Variants in AKT3 observed in about 807,000 individuals in gnomAD.
AKT3 encodes RAC-gamma serine/threonine-protein kinase.
Under a neutral mutation model 65.3 loss-of-function variants are expected in AKT3, and 15 were observed. The observed-to-expected ratio is 0.23, with a 90% CI of 0.15 to 0.35. The LOEUF (loss-of-function observed/expected upper bound fraction) is 0.35. AKT3 is among the 10% of genes least tolerant of loss of function. AKT3 has a pLI of 1.00. For missense variants in AKT3, 243 were observed against 576.5 expected (o/e 0.42, Z 5.92); for synonymous variants, 206 against 183.8 (o/e 1.12, Z -0.98).
At chr1:243,783,978 G>T (rs1419284340) in intron 2 of AKT3, among the ~76,000 whole-genome samples, 3 of 152,118 alleles carry the variant, frequency 2.0e-5, no homozygotes, top group Non-Finnish European at 4.4e-5. Context: ...TAGACTCTGG[G>T]AAGACAGCAG....
At chr1:243,656,317 GTTAC>G (rs930997458) in intron 4 of AKT3, among the ~76,000 whole-genome samples, 10 of 152,030 alleles carry the variant, frequency 6.6e-5, no homozygotes, top group Middle Eastern at 3.4e-3. Flanking sequence ...CAACTGATTA[GTTAC>G]TTACTAATAA....
rs552289013 is a variant in AKT3 at position 243,545,723 on chromosome 1, A to G, written c.1164-126T>C. ...ACAGTTCTTGGGATAAATAGCTCTA[A>G]AAGTAAAAAGCTTTTGCTATAAGAT... On this transcript the variant is annotated intron_variant, in intron 11 of 13. Coordinates refer to ENST00000673466, the MANE Select transcript of AKT3 (RefSeq NM_005465.7). The G allele has an allele frequency of 3.3e-5, 21 of 635,796 alleles. 2 individuals carry two copies. In the South Asian group the frequency reaches 4.7e-4, roughly 14 times the overall value. The allele number at this position is 635,796 out of a possible 1,614,324, so 39.4% of individuals were successfully genotyped here. A position where few individuals can be genotyped will look rare whatever the true frequency, so the allele number is the denominator to read the frequency against.
intron 2 of AKT3, among the ~76,000 whole-genome samples, chr1:243,750,443 GCACA>G (rs1558777220): frequency 6.6e-6 from 1 of 150,760 alleles, no homozygotes; most frequent in Non-Finnish European, 1.5e-5. Flanking sequence ...ACGCACGCAC[GCACA>G]CACGGTATTT....
intron 2 of AKT3, among the ~76,000 whole-genome samples, chr1:243,731,485 TAGTG>T (rs1315498713): frequency 1.3e-5 from 2 of 152,166 alleles, no homozygotes; most frequent in Non-Finnish European, 2.9e-5. Flanking sequence ...TCTACACACA[TAGTG>T]AGGCCAGCTT....
At chr1:243,783,573 A>G (rs1691047683) in intron 2 of AKT3, among the ~76,000 whole-genome samples, 1 of 152,226 alleles carries the variant, frequency 6.6e-6, no homozygotes, top group African/African-American at 2.4e-5. Flanking sequence ...TTTAAAAAAA[A>G]ATTTAAAAAT....
intron 12 of AKT3, among the ~76,000 whole-genome samples, chr1:243,523,526 C>A (rs1670858689): frequency 1.3e-5 from 2 of 152,092 alleles, no homozygotes; most frequent in Admixed American, 1.3e-4. Flanking sequence ...TTTAAACTGA[C>A]AAAATATTCA....
chr1:243,836,121 C>T (rs745558323), intron 2 of AKT3, among the ~76,000 whole-genome samples: 7 of 151,958 alleles, frequency 4.6e-5, no homozygotes, highest in Non-Finnish European at 7.4e-5. Flanking sequence ...AAAAAAGACA[C>T]GACCCAAACA....
intron 12 of AKT3, among the ~76,000 whole-genome samples, chr1:243,531,101 A>G (rs941112664): frequency 6.6e-6 from 1 of 151,728 alleles, no homozygotes; most frequent in African/African-American, 2.4e-5. Flanking sequence ...CCCTCTCTCT[A>G]TCTTTTGAGA....
At position 243,503,819 on chromosome 1, in the gene AKT3, C is replaced by T; in HGVS notation, c.*1430G>A. 4.3e-6 allele frequency: 1 copy of T among 230,886 alleles called. No individual in the cohort carries two copies. Among genetic ancestry groups the T allele is most frequent in the Non-Finnish European group, 8.6e-6 (1 of 116,386 alleles). 14.3% of individuals were successfully genotyped at this position (230,886 alleles called of 1,614,324 possible). ...GCCTTCACTGCCCATTTCCTAAATA[C>T]TCAAGATGTGTTCATTTTGCCACGT... On this transcript the variant is annotated 3_prime_UTR_variant, in exon 14 of 14. Coordinates refer to ENST00000673466, the MANE Select transcript of AKT3 (RefSeq NM_005465.7).
intron 5 of AKT3, among the ~76,000 whole-genome samples, chr1:243,643,322 A>G (rs1680580449): frequency 6.6e-6 from 1 of 152,224 alleles, no homozygotes; most frequent in South Asian, 2.1e-4. Context: ...TCATGAGATT[A>G]TAGCCAGTTG....
chr1:243,635,002 C>T (rs912796523), intron 6 of AKT3, among the ~76,000 whole-genome samples: 18 of 151,912 alleles, frequency 1.2e-4, no homozygotes, highest in African/African-American at 4.1e-4. Flanking sequence ...AAATACTCTA[C>T]CTAACAACAG....
intron 5 of AKT3, among the ~76,000 whole-genome samples, chr1:243,645,647 G>A (rs1009113455): frequency 6.6e-6 from 1 of 152,198 alleles, no homozygotes; most frequent in African/African-American, 2.4e-5. Context: ...ATAAAGTAGT[G>A]TGATGGCACA....
At chr1:243,601,847 T>C (rs1047588108) in intron 8 of AKT3, among the ~76,000 whole-genome samples, 7 of 152,202 alleles carry the variant, frequency 4.6e-5, no homozygotes, top group African/African-American at 1.7e-4. Flanking sequence ...GTTTTTGATA[T>C]TTAAATACTG....
intron 2 of AKT3, among the ~76,000 whole-genome samples, chr1:243,793,777 A>C (rs1027933075): frequency 3.6e-5 from 1 of 27,626 alleles, no homozygotes; most frequent in African/African-American, 4.4e-5. Flanking sequence ...AAACTGTCTC[A>C]AAAAAAAAAA....
At chr1:243,734,347 T>G (rs1440378282) in intron 2 of AKT3, among the ~76,000 whole-genome samples, 1 of 152,222 alleles carries the variant, frequency 6.6e-6, no homozygotes, top group Non-Finnish European at 1.5e-5. Context: ...ATTACAGTCA[T>G]GCATTGCTTA....
Position 243,500,359 on chromosome 1 carries a change from T to TAAAC in AKT3, c.*4886_*4889dup, listed in dbSNP as rs761918810. ...CTATGCATTACTCTTTCCATTCTGT[T>TAAAC]AAACAACGAAAACAGACAAAAAAGC... On this transcript the variant is annotated 3_prime_UTR_variant, in exon 14 of 14. Transcript: ENST00000673466. The TAAAC allele has an allele frequency of 3.1e-5, 7 of 225,178 alleles. 1 individual carries two copies. Among genetic ancestry groups the TAAAC allele is most frequent in the East Asian group, 6.5e-5 (1 of 15,396 alleles). 13.9% of individuals were successfully genotyped at this position (225,178 alleles called of 1,614,324 possible). A position where few individuals can be genotyped will look rare whatever the true frequency, so the allele number is the denominator to read the frequency against.
intron 3 of AKT3, among the ~76,000 whole-genome samples, chr1:243,672,738 A>C (rs1398564066): frequency 6.6e-6 from 1 of 152,214 alleles, no homozygotes; most frequent in Non-Finnish European, 1.5e-5. Context: ...TTCTTCTTTG[A>C]ATATGGTCAC....
rs1449994909 is a variant in AKT3 at position 243,815,823 on chromosome 1, C to G, written c.46+27302G>C. The stretch of plus-strand genomic sequence containing the variant: ...GTAGAGATGAGGTTTCACCATCTTG[C>G]CCAGGCTGATCTCGAACTCCTGAGC... On this transcript the variant is annotated intron_variant, in intron 2 of 13. Coordinates refer to ENST00000673466, the MANE Select transcript of AKT3 (RefSeq NM_005465.7). 1.1e-4 allele frequency among the ~76,000 whole-genome samples: 10 copies of G among 89,178 alleles called. No homozygotes were observed. The Admixed American group carries it at 1.3e-3, about 12-fold the overall frequency. 58.5% of individuals were successfully genotyped at this position (89,178 alleles called of 152,430 possible). A position where few individuals can be genotyped will look rare whatever the true frequency, so the allele number is the denominator to read the frequency against.
At chr1:243,809,275 T>C (rs1196680150) in intron 2 of AKT3, among the ~76,000 whole-genome samples, 3 of 152,112 alleles carry the variant, frequency 2.0e-5, no homozygotes, top group Admixed American at 2.0e-4. Context: ...GTGTGCTGTA[T>C]TCAGGAAACC....
Sources: allele counts gnomAD v4.1 joint callset (sites outside exome capture counted in the v4.1 genomes callset), GRCh38; gene constraint gnomAD v4.1.1; transcripts MANE v1.5; gene names NCBI Gene and HGNC (gene_info 2026-07-23, HGNC 2026-07-21).